The following CFAP299 variants were observed in gnomAD, a reference collection of about 807,000 sequenced individuals.
The protein encoded by CFAP299 is cilia and flagella associated protein 299, also known as cilia- and flagella-associated protein 299.
In CFAP299, 21 loss-of-function variants were observed where a neutral mutation model predicts 27.0. The ratio of observed to expected loss-of-function variants is 0.78; its 90% CI spans 0.55 to 1.12. The LOEUF (loss-of-function observed/expected upper bound fraction) is 1.12. Ranked by LOEUF, CFAP299 falls within the 50% of genes most tolerant of loss-of-function variation. The pLI is 0.00. For synonymous variants in CFAP299, 104 were observed against 98.1 expected (o/e 1.06, Z -0.36); for missense variants, 310 against 276.6 (o/e 1.12, Z -0.86).
At chr4:80,882,462 C>A (rs1016576712) in intron 4 of CFAP299, among the ~76,000 whole-genome samples, 1 of 151,982 alleles carries the variant, frequency 6.6e-6, no homozygotes, top group South Asian at 2.1e-4. Flanking sequence ...CACGGTGAAA[C>A]CCCGTCTCTA....
chr4:80,602,991 G>C (rs962871592), intron 3 of CFAP299, among the ~76,000 whole-genome samples: 1 of 152,016 alleles, frequency 6.6e-6, no homozygotes, highest in South Asian at 2.1e-4. Flanking sequence ...GCACTATGAG[G>C]TGCTGGCGGT....
intron 1 of CFAP299, among the ~76,000 whole-genome samples, chr4:80,354,493 T>A (rs868066682): frequency 2.3e-4 from 35 of 152,324 alleles, no homozygotes; most frequent in South Asian, 4.1e-4. Context: ...TTACAACATA[T>A]TTTGATTTTT....
chr4:80,359,784 T>C (rs1723452106), intron 1 of CFAP299, among the ~76,000 whole-genome samples: 1 of 152,212 alleles, frequency 6.6e-6, no homozygotes, highest in South Asian at 2.1e-4. Flanking sequence ...TAACTTCAAT[T>C]ATCTTTGTTC....
intron 2 of CFAP299, among the ~76,000 whole-genome samples, chr4:80,498,597 A>T (rs971913117): frequency 2.0e-5 from 3 of 151,956 alleles, no homozygotes; most frequent in African/African-American, 7.3e-5. Flanking sequence ...AAAAAATCAG[A>T]TGATGGTGAG....
chr4:80,958,292 A>G (rs1229970190), intron 5 of CFAP299, among the ~76,000 whole-genome samples: 1 of 152,194 alleles, frequency 6.6e-6, no homozygotes, highest in Non-Finnish European at 1.5e-5. Flanking sequence ...CCTTAAAAGT[A>G]GCTGTTTCTG....
chr4:80,891,670 A>C (rs1211988848), intron 4 of CFAP299, among the ~76,000 whole-genome samples: 3 of 116,484 alleles, frequency 2.6e-5, no homozygotes, highest in Non-Finnish European at 3.5e-5. Flanking sequence ...ATGCTAGATG[A>C]CACGTTAGTG....
At chr4:80,672,792 G>C (rs868351403) in intron 3 of CFAP299, among the ~76,000 whole-genome samples, 1 of 152,124 alleles carries the variant, frequency 6.6e-6, no homozygotes, top group Non-Finnish European at 1.5e-5. Context: ...TATTTGCATA[G>C]AGGTGTTTAT....
At chr4:80,823,413 C>A (rs969865279) in intron 3 of CFAP299, among the ~76,000 whole-genome samples, 1 of 152,100 alleles carries the variant, frequency 6.6e-6, no homozygotes, top group East Asian at 1.9e-4. Flanking sequence ...GACCCAGAGA[C>A]CTCCTTTTAT....
chr4:80,804,620 G>A lies in CFAP299; in HGVS notation c.334-65373G>A, dbSNP rs776044363. Among the ~76,000 whole-genome samples, 20 of 151,902 alleles carry A rather than the reference G, an allele frequency of 1.3e-4. 1 individual carries two copies. The highest frequency in any genetic ancestry group is 3.2e-3 in the Middle Eastern group (1 of 314). ...AATATTTCTTTGAGATCCTGTTTTCGATATGTAATAACTTTATCTCTTATA... is the reference window on the plus strand; with the variant it reads ...AATATTTCTTTGAGATCCTGTTTTCAATATGTAATAACTTTATCTCTTATA... On this transcript the variant is annotated intron_variant, in intron 3 of 5. Transcript: ENST00000358105.
chr4:80,457,378 T>A (rs189370867), intron 2 of CFAP299, among the ~76,000 whole-genome samples: 1 of 152,106 alleles, frequency 6.6e-6, no homozygotes, highest in African/African-American at 2.4e-5. Flanking sequence ...TAGGTTATCA[T>A]GTTATGTTAT....
chr4:80,669,954 A>C (rs1247332781), intron 3 of CFAP299, among the ~76,000 whole-genome samples: 3 of 151,634 alleles, frequency 2.0e-5, no homozygotes, highest in East Asian at 1.9e-4. Context: ...TAAAAAAAAA[A>C]CCCGTAGTGC....
In CFAP299 at chr4:80,387,133, GAC is replaced by G. The variant is rs1725056176; in HGVS notation, c.242+24254_242+24255del. 12 of 1,420,832 alleles carry G rather than the reference GAC, an allele frequency of 8.4e-6. No homozygotes were observed. The East Asian group carries it at 2.7e-4, about 32-fold the overall frequency. The allele number at this position is 1,420,832 out of a possible 1,614,324, so 88.0% of individuals were successfully genotyped here. The stretch of plus-strand genomic sequence containing the variant: ...GGGGTGGATATTTGTTGACACGTTT[GAC>G]ACACTTGTAGACGGCACTGCCCTTC... On this transcript the variant is annotated intron_variant, in intron 2 of 5. Transcript: ENST00000358105.
At chr4:80,790,897 A>G (rs1242905496) in intron 3 of CFAP299, among the ~76,000 whole-genome samples, 2 of 152,122 alleles carry the variant, frequency 1.3e-5, no homozygotes, top group Non-Finnish European at 2.9e-5. Context: ...CTAAATAGCA[A>G]AAATGATTAC....
At chr4:80,612,360 T>A (rs1487109811) in intron 3 of CFAP299, among the ~76,000 whole-genome samples, 1 of 152,026 alleles carries the variant, frequency 6.6e-6, no homozygotes, top group Non-Finnish European at 1.5e-5. Context: ...CAAAGCACAA[T>A]GCTGATTTAA....
chr4:80,671,129 C>T (rs1050882655), intron 3 of CFAP299, among the ~76,000 whole-genome samples: 3 of 152,148 alleles, frequency 2.0e-5, no homozygotes, highest in Non-Finnish European at 4.4e-5. Context: ...TTAGGTCTCA[C>T]CTTTAAGTAT....
At chr4:80,823,048 A>G (rs1483203638) in intron 3 of CFAP299, among the ~76,000 whole-genome samples, 2 of 152,176 alleles carry the variant, frequency 1.3e-5, no homozygotes, top group Non-Finnish European at 2.9e-5. Context: ...GCAGCTGTAT[A>G]AAGTATGTGA....
intron 1 of CFAP299, among the ~76,000 whole-genome samples, chr4:80,361,537 A>G (rs1419920965): frequency 6.6e-6 from 1 of 152,200 alleles, no homozygotes; most frequent in African/African-American, 2.4e-5. Context: ...TTTGTGGTTC[A>G]CACTAAAGGA....
intron 3 of CFAP299, among the ~76,000 whole-genome samples, chr4:80,764,782 A>G (rs1429833492): frequency 6.6e-6 from 1 of 152,206 alleles, no homozygotes; most frequent in Non-Finnish European, 1.5e-5. Flanking sequence ...GGATGAGTTC[A>G]TGCCCTTTGC....
At chr4:80,718,166 A>G (rs923034062) in intron 3 of CFAP299, among the ~76,000 whole-genome samples, 13 of 152,080 alleles carry the variant, frequency 8.5e-5, no homozygotes, top group Admixed American at 6.6e-5. Flanking sequence ...AATTTTGAGT[A>G]ATACAATATG....
Sources: gnomAD v4.1 joint callset for allele counts (sites outside exome capture counted in the v4.1 genomes callset) on GRCh38, gnomAD v4.1.1 for gene constraint, MANE v1.5 for transcripts, NCBI Gene and HGNC (gene_info 2026-07-23, HGNC 2026-07-21) for gene names.